EVA1C: variants seen among roughly 807,000 people sequenced by gnomAD.
EVA1C encodes protein eva-1 homolog C.
In EVA1C, 25 loss-of-function variants were observed where a neutral mutation model predicts 45.4. The observed-to-expected ratio is 0.55, with a 90% CI of 0.40 to 0.77. The LOEUF (loss-of-function observed/expected upper bound fraction) is 0.77. Among genes scored for constraint, EVA1C ranks in the 30% least tolerant of loss-of-function variants. The probability of loss-of-function intolerance (pLI) is 0.00; values close to 1 mark genes in which losing one functional copy is unlikely to be tolerated. For synonymous variants in EVA1C, 190 were observed against 221.2 expected, an observed-to-expected ratio of 0.86 and a Z score of 1.25; for missense variants, 479 against 554.8, an observed-to-expected ratio of 0.86 and a Z score of 1.37.
intron 4 of EVA1C, among the ~76,000 whole-genome samples, chr21:32,483,261 T>C (rs79226640): frequency 0.023 from 3,442 of 152,302 alleles, 53 homozygotes; most frequent in Non-Finnish European, 0.028. Context: ...TAAGCCCTGA[T>C]TTGAATGTGG....
At chr21:32,457,828 A>C (rs1443959952) in intron 3 of EVA1C, 108 bp downstream of exon 3, 9 of 1,284,212 alleles carry the variant, frequency 7.0e-6, no homozygotes, top group Middle Eastern at 2.0e-4. Context: ...TTTGAAACTC[A>C]TTAACAGACA....
In EVA1C at chr21:32,448,680, G is replaced by C. The variant is rs780985431; in HGVS notation, c.161-4632G>C. ...TCCCAGCACTTTGAGAGGCTGAGGC[G>C]GGCAGATCACGAGGTCAGGAGTTTG... On this transcript the variant is annotated intron_variant, in intron 1 of 7. Transcript: ENST00000300255. Among the ~76,000 whole-genome samples, 15 of 152,110 alleles carry C rather than the reference G, an allele frequency of 9.9e-5. No homozygotes were observed. The Middle Eastern group carries it at 0.01, about 103-fold the overall frequency.
intron 3 of EVA1C, among the ~76,000 whole-genome samples, chr21:32,463,806 C>T (rs548175228): frequency 6.6e-6 from 1 of 152,050 alleles, no homozygotes; most frequent in South Asian, 2.1e-4. Flanking sequence ...AAAAGACTTC[C>T]ATTTAAAAAG....
chr21:32,412,008 G>T (rs1319367891), upstream of EVA1C: 2 of 152,352 alleles, frequency 1.3e-5, no homozygotes, highest in Middle Eastern at 3.1e-3. Flanking sequence ...GTTTGCGCCG[G>T]TGCAGTGTCA....
At chr21:32,435,343 C>A (rs1485847864) in intron 1 of EVA1C, among the ~76,000 whole-genome samples, 1 of 152,194 alleles carries the variant, frequency 6.6e-6, no homozygotes, top group Admixed American at 6.5e-5. Flanking sequence ...TGTGAGCCAC[C>A]ATACCCAGCT....
intron 3 of EVA1C, among the ~76,000 whole-genome samples, chr21:32,464,718 A>G (rs903077635): frequency 6.6e-6 from 1 of 152,122 alleles, no homozygotes; most frequent in Non-Finnish European, 1.5e-5. Flanking sequence ...GCTCCTCAGG[A>G]GGCTGAGGCA....
At chr21:32,448,545 C>T (rs751175099) in intron 1 of EVA1C, among the ~76,000 whole-genome samples, 14 of 151,910 alleles carry the variant, frequency 9.2e-5, no homozygotes, top group Non-Finnish European at 1.8e-4. Context: ...ATCCTGGGGC[C>T]GAGGTGATAA....
chr21:32,506,915 G>A (rs1055291862), intron 7 of EVA1C, among the ~76,000 whole-genome samples: 1 of 152,208 alleles, frequency 6.6e-6, no homozygotes. Flanking sequence ...CAAAGCAGGA[G>A]CAGCTGGGAG....
chr21:32,449,154 C>A (rs189125855), intron 1 of EVA1C, among the ~76,000 whole-genome samples: 5 of 152,146 alleles, frequency 3.3e-5, no homozygotes, highest in Admixed American at 6.5e-5. Flanking sequence ...CAGCTTCCCC[C>A]ACTAGCAATA....
At chr21:32,473,677 C>T (rs1012999542) in intron 4 of EVA1C, among the ~76,000 whole-genome samples, 1 of 152,146 alleles carries the variant, frequency 6.6e-6, no homozygotes, top group Non-Finnish European at 1.5e-5. Context: ...CGCTTAGCAG[C>T]CAGAGGGATT....
intron 5 of EVA1C, among the ~76,000 whole-genome samples, chr21:32,500,333 T>C (rs1361420434): frequency 6.6e-6 from 1 of 151,644 alleles, no homozygotes; most frequent in African/African-American, 2.4e-5. Flanking sequence ...TATCTTTTAG[T>C]AGAGATGGGG....
chr21:32,478,202 G>A (rs1185593037), intron 4 of EVA1C, among the ~76,000 whole-genome samples: 4 of 151,238 alleles, frequency 2.6e-5, no homozygotes, highest in African/African-American at 9.7e-5. Flanking sequence ...GGTCTTTAAA[G>A]AGATAATTAA....
At chr21:32,420,700 A>G (rs1254424026) in intron 1 of EVA1C, among the ~76,000 whole-genome samples, 1 of 152,200 alleles carries the variant, frequency 6.6e-6, no homozygotes, top group Non-Finnish European at 1.5e-5. Flanking sequence ...GGCCCTAAAA[A>G]TAATTTATTA....
At chr21:32,434,695 G>A (rs1181960973) in intron 1 of EVA1C, among the ~76,000 whole-genome samples, 1 of 152,170 alleles carries the variant, frequency 6.6e-6, no homozygotes, top group Non-Finnish European at 1.5e-5. Context: ...TGCACACAGG[G>A]AGAAGGCCAC....
At chr21:32,503,305 G>T (rs1427312960) in intron 6 of EVA1C, among the ~76,000 whole-genome samples, 3 of 152,202 alleles carry the variant, frequency 2.0e-5, no homozygotes, top group African/African-American at 4.8e-5. Context: ...CAACACTTTG[G>T]GAGGCCGAGG....
intron 1 of EVA1C, among the ~76,000 whole-genome samples, chr21:32,443,902 T>C (rs2146212817): frequency 6.6e-6 from 1 of 152,306 alleles, no homozygotes; most frequent in South Asian, 2.1e-4. Flanking sequence ...GCAGCACAGC[T>C]GTGACTTCAT....
At chr21:32,455,372 G>A (rs553323388) in intron 2 of EVA1C, among the ~76,000 whole-genome samples, 30 of 152,238 alleles carry the variant, frequency 2.0e-4, no homozygotes, top group African/African-American at 6.7e-4. Flanking sequence ...AAGACCTGAT[G>A]GTCTAATCAC....
chr21:32,445,829 C>T (rs1338176255), intron 1 of EVA1C, among the ~76,000 whole-genome samples: 1 of 152,184 alleles, frequency 6.6e-6, no homozygotes, highest in Admixed American at 6.6e-5. Context: ...AGGTTTTACC[C>T]ATGGCAGTAG....
At chr21:32,422,895 A>AC (rs34856053) in intron 1 of EVA1C, among the ~76,000 whole-genome samples, 151,932 of 151,934 alleles carry the variant, frequency 1, 75,965 homozygotes, top group Middle Eastern at 1. Flanking sequence ...ACTTGGTGAA[A>AC]CCATGTCTGT....
Sources: allele counts gnomAD v4.1 joint callset (sites outside exome capture counted in the v4.1 genomes callset), GRCh38; gene constraint gnomAD v4.1.1; transcripts MANE v1.5; gene names NCBI Gene and HGNC (gene_info 2026-07-23, HGNC 2026-07-21).